TRIM66: variants seen among roughly 807,000 people sequenced by gnomAD.
TRIM66 encodes tripartite motif containing 66.
TRIM66 carries 99 observed loss-of-function variants against 148.2 expected under a neutral mutation model. The observed-to-expected ratio is 0.67, with a 90% CI of 0.57 to 0.79. The LOEUF is 0.79. Ranked by LOEUF, TRIM66 falls within the 30% of genes least tolerant of loss-of-function variation. The probability of loss-of-function intolerance (pLI) is 0.00; values close to 1 mark genes in which losing one functional copy is unlikely to be tolerated. For missense variants in TRIM66, 1,666 were observed against 1,697.9 expected (o/e 0.98, Z 0.33); for synonymous variants, 616 against 635.9 (o/e 0.97, Z 0.47).
chr11:8,662,466 C>G (rs569417582), intron 6 of TRIM66, among the ~76,000 whole-genome samples: 73 of 152,264 alleles, frequency 4.8e-4, no homozygotes, highest in African/African-American at 1.5e-3. Context: ...TAGTAGTGTT[C>G]GGGGATGCTG....
chr11:8,633,469 C>G (rs2035601375), intron 15 of TRIM66, among the ~76,000 whole-genome samples: 1 of 152,138 alleles, frequency 6.6e-6, no homozygotes, highest in South Asian at 2.1e-4. Context: ...TGAATGAAAT[C>G]AGGATAGAAC....
At position 8,643,469 on chromosome 11, in the gene TRIM66, A is replaced by C. The variant is rs558868085; in HGVS notation, c.1105-343T>G. 6.6e-5 allele frequency among the ~76,000 whole-genome samples: 10 copies of C among 151,860 alleles called. No individual in the cohort carries two copies. The South Asian group carries it at 2.1e-3, about 32-fold the overall frequency. On this transcript the variant is annotated intron_variant, in intron 12 of 24. Coordinates refer to ENST00000646038, the MANE Select transcript of TRIM66 (RefSeq NM_001388022.1). ...ATTCTCCTGCCTCAGCCTCCTGAGT[A>C]GCTAGGACTACAGGTGCCCGCCACC...
intron 6 of TRIM66, among the ~76,000 whole-genome samples, chr11:8,667,983 T>C (rs1291439327): frequency 6.6e-6 from 1 of 152,218 alleles, no homozygotes; most frequent in Non-Finnish European, 1.5e-5. Context: ...TCTGAGGAAC[T>C]GCCATATTTT....
At chr11:8,619,223 G>A (rs115598617) in intron 23 of TRIM66, 160 bp downstream of exon 23, 1 of 881,228 alleles carries the variant, frequency 1.1e-6, no homozygotes, top group African/African-American at 1.7e-5. Flanking sequence ...AGGCCTGAGT[G>A]TGGGAGAGAG....
chr11:8,632,605 C>T (rs915461651), intron 15 of TRIM66, among the ~76,000 whole-genome samples: 1 of 151,894 alleles, frequency 6.6e-6, no homozygotes, highest in South Asian at 2.1e-4. Context: ...TTATAGGTGT[C>T]CACCACCATG....
At chr11:8,682,940 C>A, upstream of TRIM66, 2 of 1,323,674 alleles carry the variant, frequency 1.5e-6, 1 homozygote, top group South Asian at 2.8e-5. Flanking sequence ...TGGCCGCCTG[C>A]GGGGCAGGGT....
rs1175840393 is a variant in TRIM66, at chr11:8,641,169, G to T, written c.1223-17C>A. On this transcript the variant is annotated splice_polypyrimidine_tract_variant and intron_variant, in intron 13 of 24. Coordinates refer to ENST00000646038, the MANE Select transcript of TRIM66 (RefSeq NM_001388022.1). Reference sequence around the variant, plus strand: ...TTATGCAGCCTGAAAATGCAGAATAGAGAGTTTTTCAAAAGTTTTTCAAGT... The same window carrying T: ...TTATGCAGCCTGAAAATGCAGAATATAGAGTTTTTCAAAAGTTTTTCAAGT... 7 of 1,533,576 alleles carry T rather than the reference G, an allele frequency of 4.6e-6. No homozygotes were observed. The highest frequency in any genetic ancestry group is 6.2e-6 in the Non-Finnish European group (7 of 1,135,750). 95.0% of individuals were successfully genotyped at this position (1,533,576 alleles called of 1,614,324 possible). A position where few individuals can be genotyped will look rare whatever the true frequency, so the allele number is the denominator to read the frequency against.
intron 11 of TRIM66, among the ~76,000 whole-genome samples, chr11:8,646,133 T>C (rs10840099): frequency 0.59 from 89,670 of 152,012 alleles, 26,863 homozygotes; most frequent in Non-Finnish European, 0.65. Context: ...AATAAATGTC[T>C]ACATCTCTTG....
intron 6 of TRIM66, among the ~76,000 whole-genome samples, chr11:8,669,195 G>C (rs2038782473): frequency 1.3e-5 from 2 of 152,168 alleles, no homozygotes; most frequent in African/African-American, 4.8e-5. Flanking sequence ...TTGATGCATT[G>C]AGACTGCCAT....
rs1235539930 is a variant in TRIM66 at position 8,625,153 on chromosome 11, G to T, written c.2386C>A (p.Pro796Thr). Residue 796 changes from proline (P) to threonine (T), a missense_variant, in exon 16 of 25, where the codon CCC becomes ACC. Pro to Thr is a conservative substitution (Grantham distance 38). Transcript: ENST00000646038. The stretch of plus-strand genomic sequence containing the variant: ...ACACTCTGGATCTGTGGCTCTAGGG[G>T]CCTCTCCAACCTGGTAGATGACAAC... ...MELSSTRLER[P>T]LEPQIQSVSN... The T allele has an allele frequency of 3.2e-6, 5 of 1,548,146 alleles. No individual in the cohort carries two copies. The highest frequency in any genetic ancestry group is 1.4e-5 in the African/African-American group (1 of 72,984).
intron 4 of TRIM66, among the ~76,000 whole-genome samples, chr11:8,674,162 T>C (rs1258786262): frequency 2.6e-5 from 4 of 152,220 alleles, no homozygotes; most frequent in Non-Finnish European, 4.4e-5. Context: ...CCTTTACATA[T>C]GTTTACTCAT....
intron 4 of TRIM66, among the ~76,000 whole-genome samples, chr11:8,673,168 T>A (rs2039023563): frequency 6.6e-6 from 1 of 151,624 alleles, no homozygotes; most frequent in African/African-American, 2.4e-5. Flanking sequence ...GACCTCATGA[T>A]CCACCCGCCT....
chr11:8,653,799 G>T (rs981334501), intron 6 of TRIM66, among the ~76,000 whole-genome samples: 7 of 147,880 alleles, frequency 4.7e-5, no homozygotes, highest in Admixed American at 1.3e-4. Flanking sequence ...AAAAAAAAAA[G>T]AAAAGAAAAG....
At chr11:8,649,669 T>A in intron 8 of TRIM66, 71 bp downstream of exon 8, 1 of 1,510,816 alleles carries the variant, frequency 6.6e-7, no homozygotes, top group Non-Finnish European at 8.9e-7. Context: ...CGGAGAGCTA[T>A]TCTCCAGGGA....
intron 6 of TRIM66, among the ~76,000 whole-genome samples, chr11:8,661,084 A>G (rs1159843866): frequency 6.6e-6 from 1 of 152,240 alleles, no homozygotes; most frequent in Non-Finnish European, 1.5e-5. Flanking sequence ...TCAAAGCTAG[A>G]GGATTTGGAA....
At chr11:8,642,570 G>A (rs191025003) in intron 13 of TRIM66, among the ~76,000 whole-genome samples, 1 of 152,178 alleles carries the variant, frequency 6.6e-6, no homozygotes, top group Non-Finnish European at 1.5e-5. Flanking sequence ...ATGTCTGTGT[G>A]ACACAAACAT....
At chr11:8,663,448 C>T (rs2038392079) in intron 6 of TRIM66, among the ~76,000 whole-genome samples, 1 of 152,002 alleles carries the variant, frequency 6.6e-6, no homozygotes, top group African/African-American at 2.4e-5. Context: ...AGGAGATTAA[C>T]AATAACTAAT....
In TRIM66 at chr11:8,620,590, G is replaced by A. The variant is rs915131422; in HGVS notation, c.3546-18C>T. The A allele has an allele frequency of 1.3e-6, 2 of 1,550,952 alleles. No individual in the cohort carries two copies. The highest frequency in any genetic ancestry group is 1.7e-6 in the Non-Finnish European group (2 of 1,146,666). On this transcript the variant is annotated intron_variant, in intron 20 of 24. Transcript: ENST00000646038. Reference sequence around the variant, plus strand: ...ACTCTCCCCTGCAGGGGCAGGTGAGGCCATGTTAGGCCTCAGCACATTGCC... The same window carrying A: ...ACTCTCCCCTGCAGGGGCAGGTGAGACCATGTTAGGCCTCAGCACATTGCC...
At chr11:8,643,792 C>G (rs898273315) in intron 12 of TRIM66, among the ~76,000 whole-genome samples, 2 of 152,168 alleles carry the variant, frequency 1.3e-5, no homozygotes, top group African/African-American at 4.8e-5. Context: ...CATTGCTGTA[C>G]TTCCACTTGC....
Sources: gnomAD v4.1 joint callset for allele counts (sites outside exome capture counted in the v4.1 genomes callset) on GRCh38, gnomAD v4.1.1 for gene constraint, MANE v1.5 for transcripts, NCBI Gene and HGNC (gene_info 2026-07-23, HGNC 2026-07-21) for gene names.